Variants in CIB1 observed in about 807,000 individuals in gnomAD.
CIB1 encodes calcium and integrin binding 1, also known as calcium and integrin-binding protein 1.
Under a neutral mutation model 25.0 loss-of-function variants are expected in CIB1, and 19 were observed. The ratio of observed to expected loss-of-function variants is 0.76; its 90% CI spans 0.53 to 1.12. CIB1 has a LOEUF of 1.12. Among genes scored for constraint, CIB1 ranks in the 50% most tolerant of loss-of-function variants. The pLI is 0.00. For missense variants in CIB1, 236 were observed against 242.6 expected (o/e 0.97, Z 0.18); for synonymous variants, 104 against 98.5 (o/e 1.06, Z -0.33).
At chr15:90,260,153 A>G in the CIB1 span, among the ~76,000 whole-genome samples, 1 of 152,220 alleles carries the variant, frequency 6.6e-6, no homozygotes, top group Admixed American at 6.5e-5. Flanking sequence ...ACAGTACTGG[A>G]CTAAATAAAC....
the CIB1 span, among the ~76,000 whole-genome samples, chr15:90,248,721 A>G: frequency 1.9e-4 from 11 of 58,552 alleles, no homozygotes; most frequent in Middle Eastern, 6.5e-3. Flanking sequence ...CCTGTCTCAA[A>G]AAAAAAAAAA....
chr15:90,256,125 C>A, the CIB1 span: 7 of 1,612,380 alleles, frequency 4.3e-6, no homozygotes, highest in South Asian at 3.3e-5. Flanking sequence ...TTTGACCAGG[C>A]CCTCTCTGCA....
rs757062860 is a variant in CIB1 at position 90,231,139 on chromosome 15, C to G, written c.421G>C (p.Asp141His). ...LVNCLTGEGE[D>H]TRLSASEMKQ... ...ATCTCAGACGCACTAAGCCGTGTGT[C>G]CTCGCCCTCTCCCGTGAGGCAGTTC... Residue 141 changes from aspartate to histidine, a missense_variant, in exon 5 of 7, where the codon GAC (aspartate) becomes CAC (histidine). Transcript: ENST00000328649. The G allele has an allele frequency of 3.1e-6, 5 of 1,614,194 alleles. No individual in the cohort carries two copies. In the South Asian group the frequency reaches 5.5e-5, roughly 18 times the overall value.
rs1352003753 is a variant in CIB1, at chr15:90,233,701, G to C, written c.54C>G (p.Asp18Glu). 6.4e-7 allele frequency: 1 copy of C among 1,574,720 alleles called. No individual in the cohort carries two copies. The highest frequency in any genetic ancestry group is 8.6e-7 in the Non-Finnish European group (1 of 1,159,840). ...LSKELLAEYQ[D>E]LTFLTKQEIL... ...TCTCCTGCTTCGTCAGGAACGTCAA[G>C]TCCTGGAAGGCAAAGCCAGAGCGGG... Residue 18 changes from aspartate (D) to glutamate (E), a missense_variant and splice_region_variant, in exon 2 of 7, where the codon GAC becomes GAG. Coordinates refer to ENST00000328649, the MANE Select transcript of CIB1 (RefSeq NM_006384.4).
the CIB1 span, chr15:90,258,664 C>A: frequency 5.7e-4 from 708 of 1,231,864 alleles, 1 homozygote; most frequent in Admixed American, 7.8e-4. Context: ...TATCTTAGAC[C>A]CTCTAGTTAA....
the CIB1 span, chr15:90,262,398 G>A: frequency 4.5e-6 from 6 of 1,318,920 alleles, no homozygotes; most frequent in Non-Finnish European, 5.0e-6. Context: ...AGAACAGATT[G>A]TAATTTCCTG....
the CIB1 span, chr15:90,241,413 C>T: frequency 3.1e-6 from 5 of 1,613,556 alleles, no homozygotes; most frequent in African/African-American, 6.7e-5. Context: ...CCACGTGCTG[C>T]TGGTGCCTGA....
At chr15:90,257,778 G>A in the CIB1 span, 44 of 1,559,958 alleles carry the variant, frequency 2.8e-5, no homozygotes, top group Non-Finnish European at 3.8e-5. Context: ...CACAGTCCCA[G>A]TAGCCCATGA....
chr15:90,230,487 C>T lies in CIB1; in HGVS notation c.573G>A (p.Leu191=). 3 of 1,551,674 alleles carry T rather than the reference C, an allele frequency of 1.9e-6. No individual in the cohort carries two copies. The highest frequency in any genetic ancestry group is 1.7e-4 in the Middle Eastern group (1 of 5,938). Residue 191 remains leucine (L), a synonymous_variant, in exon 7 of 7, where the codon CTG becomes CTA. Coordinates refer to ENST00000328649, the MANE Select transcript of CIB1 (RefSeq NM_006384.4). ...AGGACACACGCTGGGGCTGCTGTCA[C>T]AGGACAATCTTAAAGGAGCTGAACA... ...PDFASSFKIV[L]
chr15:90,260,239 T>C, the CIB1 span, among the ~76,000 whole-genome samples: 1 of 152,228 alleles, frequency 6.6e-6, no homozygotes, highest in Non-Finnish European at 1.5e-5. Flanking sequence ...GGCTCACACC[T>C]GTAATCCCAG....
the CIB1 span, chr15:90,242,242 C>T: frequency 2.4e-3 from 987 of 405,522 alleles, 16 homozygotes; most frequent in African/African-American, 0.019. Flanking sequence ...CGTGCACCAC[C>T]ACACACCTGG....
intron 3 of CIB1, 140 bp from the exon 4 acceptor site, chr15:90,231,647 C>CA: frequency 1.0e-6 from 1 of 965,584 alleles, no homozygotes; most frequent in Admixed American, 2.8e-5. Flanking sequence ...TTGGGGCCAA[C>CA]ATGGAGGGCA....
upstream of CIB1, among the ~76,000 whole-genome samples, chr15:90,235,831 G>A (rs1422569244): frequency 6.6e-6 from 1 of 152,106 alleles, no homozygotes; most frequent in Non-Finnish European, 1.5e-5. Context: ...GCCTCTCAAA[G>A]TGCTGGGATT....
At chr15:90,260,712 G>A in the CIB1 span, among the ~76,000 whole-genome samples, 8 of 151,634 alleles carry the variant, frequency 5.3e-5, no homozygotes, top group South Asian at 2.1e-4. Context: ...TTAGCTGGGC[G>A]TGGTGGTGCA....
At position 90,230,969 on chromosome 15, in the gene CIB1, G is replaced by A. The variant is rs1962466518; in HGVS notation, c.519C>T (p.Phe173=). 7 of 1,614,034 alleles carry A rather than the reference G, an allele frequency of 4.3e-6. No individual in the cohort carries two copies. Among genetic ancestry groups the A allele is most frequent in the African/African-American group, 1.3e-5 (1 of 74,934 alleles). ...DRDGTINLSE[F]QHVISRSPDF... Reference sequence around the variant, plus strand: ...CTGGAGAACGGGAGATGACGTGCTGGAACTCAGAGAGGTTGATGGTTCCAT... The same window carrying A: ...CTGGAGAACGGGAGATGACGTGCTGAAACTCAGAGAGGTTGATGGTTCCAT... Residue 173 remains phenylalanine, a synonymous_variant, in exon 6 of 7, where the codon TTC becomes TTT. Transcript: ENST00000328649.
At chr15:90,247,416 G>A in the CIB1 span, among the ~76,000 whole-genome samples, 1 of 150,408 alleles carries the variant, frequency 6.6e-6, no homozygotes, top group Non-Finnish European at 1.5e-5. Flanking sequence ...TAGCGATGTA[G>A]GCTGCCACTC....
chr15:90,258,689 C>T, the CIB1 span: 2 of 1,448,198 alleles, frequency 1.4e-6, no homozygotes, highest in African/African-American at 1.4e-5. Flanking sequence ...TGCAAGAGGC[C>T]ACCACCTGCT....
At chr15:90,258,660 A>C in the CIB1 span, 1 of 1,194,666 alleles carries the variant, frequency 8.4e-7, no homozygotes, top group East Asian at 2.3e-5. Flanking sequence ...GGAATATCTT[A>C]GACCCTCTAG....
chr15:90,254,144 G>C, the CIB1 span, among the ~76,000 whole-genome samples: 1 of 151,424 alleles, frequency 6.6e-6, no homozygotes, highest in African/African-American at 2.4e-5. Context: ...AGTGAGCAGA[G>C]ATCATGCCAC....
Sources: gnomAD v4.1 joint callset for allele counts (sites outside exome capture counted in the v4.1 genomes callset) on GRCh38, gnomAD v4.1.1 for gene constraint, MANE v1.5 for transcripts, NCBI Gene and HGNC (gene_info 2026-07-23, HGNC 2026-07-21) for gene names.